The following SPEF2 variants were observed in gnomAD, a reference collection of about 807,000 sequenced individuals.
The protein encoded by SPEF2 is sperm flagella and cilia-associated protein 2.
Under a neutral mutation model 224.6 loss-of-function variants are expected in SPEF2, and 187 were observed. That is an observed-to-expected ratio of 0.83 (90% CI 0.74 to 0.94). SPEF2 has a LOEUF of 0.94. Among genes scored for constraint, SPEF2 ranks in the 40% least tolerant of loss-of-function variants. The pLI, the probability that SPEF2 is intolerant of heterozygous loss-of-function variation, is 0.00. For missense variants in SPEF2, 2,170 were observed against 2,135.6 expected (o/e 1.02, Z -0.32); for synonymous variants, 715 against 707.3 (o/e 1.01, Z -0.17).
At chr5:35,732,183 C>T (rs2149669344) in intron 21 of SPEF2, among the ~76,000 whole-genome samples, 1 of 152,188 alleles carries the variant, frequency 6.6e-6, no homozygotes, top group South Asian at 2.1e-4. Flanking sequence ...TCAGGGAGTA[C>T]CATAGATGTA....
At position 35,752,185 on chromosome 5, in the gene SPEF2, T is replaced by C. The variant is rs148292757; in HGVS notation, c.3331-1439T>C. On this transcript the variant is annotated intron_variant, in intron 23 of 36. Coordinates refer to ENST00000356031, the MANE Select transcript of SPEF2 (RefSeq NM_024867.4). ...GCTCACCTCCTGCTGTGTGGCCCAG[T>C]TCCTAACAAGCCATGGATGGGTACC... is the stretch of plus-strand genomic sequence containing the variant. 9.0e-3 allele frequency among the ~76,000 whole-genome samples: 1,368 copies of C among 152,176 alleles called. 25 individuals carry two copies. Among genetic ancestry groups the C allele is most frequent in the African/African-American group, 0.032 (1,312 of 41,506 alleles).
chr5:35,746,135 T>G (rs1015141497), intron 23 of SPEF2, among the ~76,000 whole-genome samples: 1 of 152,150 alleles, frequency 6.6e-6, no homozygotes, highest in Non-Finnish European at 1.5e-5. Flanking sequence ...GAGTATTACA[T>G]CAAGGGAACA....
At position 35,646,707 on chromosome 5, in the gene SPEF2, A is replaced by G. The variant is rs892853964; in HGVS notation, c.626A>G (p.Lys209Arg). ...NRRRQNEIMA[K>R]IQAAIIQIPK... ...AGACGACAAAATGAAATAATGGCCA[A>G]AATCCAAGCAGCTATTATACAGATT... is the stretch of plus-strand genomic sequence containing the variant. The change falls in exon 5 of 37, where the codon AAA (lysine) becomes AGA (arginine). Residue 209 changes from lysine (K) to arginine (R), a missense_variant. Physicochemically the swap from Lys to Arg is conservative, Grantham distance 26. Coordinates refer to ENST00000356031, the MANE Select transcript of SPEF2 (RefSeq NM_024867.4). 23 of 1,613,846 alleles carry G rather than the reference A, an allele frequency of 1.4e-5. No homozygotes were observed. The highest frequency in any genetic ancestry group is 2.7e-5 in the African/African-American group (2 of 74,944).
intron 10 of SPEF2, chr5:35,670,588 T>C (rs1273736450): frequency 1.2e-5 from 12 of 989,254 alleles, no homozygotes; most frequent in Non-Finnish European, 1.4e-5. Context: ...ATTTCTTTTG[T>C]AATCAATCTA....
At chr5:35,781,674 A>G (rs1754363151) in intron 30 of SPEF2, 1 of 152,084 alleles carries the variant, frequency 6.6e-6, no homozygotes, top group African/African-American at 2.4e-5. Context: ...ATACGGTAGG[A>G]TTTGGGGATT....
intron 18 of SPEF2, among the ~76,000 whole-genome samples, chr5:35,708,604 GACT>G (rs1740352417): frequency 9.9e-5 from 1 of 10,132 alleles, no homozygotes; most frequent in Admixed American, 8.0e-4. Context: ...CCCCACCACA[GACT>G]TCACCACCTC....
intron 19 of SPEF2, among the ~76,000 whole-genome samples, chr5:35,712,384 T>C (rs1397439021): frequency 6.6e-6 from 1 of 152,164 alleles, no homozygotes; most frequent in Non-Finnish European, 1.5e-5. Context: ...TGCATGTCAC[T>C]GTACCTGGCT....
chr5:35,758,726 C>A (rs988844371), intron 24 of SPEF2, among the ~76,000 whole-genome samples: 1 of 152,130 alleles, frequency 6.6e-6, no homozygotes, highest in Non-Finnish European at 1.5e-5. Context: ...CTCTGTGTTG[C>A]TGGGCGCAGT....
At chr5:35,665,807 C>T (rs1461423381) in intron 8 of SPEF2, among the ~76,000 whole-genome samples, 1 of 152,132 alleles carries the variant, frequency 6.6e-6, no homozygotes, top group Non-Finnish European at 1.5e-5. Context: ...GAATAACAAA[C>T]TCTGATGTAA....
chr5:35,712,939 A>G (rs1472900736), intron 20 of SPEF2, 53 bp downstream of exon 20: 3 of 1,500,132 alleles, frequency 2.0e-6, no homozygotes, highest in Non-Finnish European at 2.7e-6. Flanking sequence ...TTTTATAACT[A>G]TCTCAGTGAA....
intron 1 of SPEF2, among the ~76,000 whole-genome samples, chr5:35,619,596 G>T (rs370317420): frequency 6.6e-6 from 1 of 152,054 alleles, no homozygotes; most frequent in East Asian, 1.9e-4. Flanking sequence ...AGAATCGCTT[G>T]AACCCAGGAG....
rs373228487 is a variant in SPEF2 at position 35,649,143 on chromosome 5, T to C, written c.727-218T>C. ...CCTGTCAAAATCATGAAGTGAATGA[T>C]TCAGGGGAGGCAATTTTCACATTCT... On this transcript the variant is annotated intron_variant, in intron 5 of 36. Coordinates refer to ENST00000356031, the MANE Select transcript of SPEF2 (RefSeq NM_024867.4). 7.9e-5 allele frequency among the ~76,000 whole-genome samples: 12 copies of C among 152,298 alleles called. No individual in the cohort carries two copies. The East Asian group carries it at 2.1e-3, about 27-fold the overall frequency.
At chr5:35,743,228 C>T (rs1747963250) in intron 23 of SPEF2, among the ~76,000 whole-genome samples, 2 of 151,356 alleles carry the variant, frequency 1.3e-5, no homozygotes, top group African/African-American at 4.9e-5. Flanking sequence ...GAAAATAAAG[C>T]TGAGGAAAGG....
At chr5:35,806,608 A>T in intron 34 of SPEF2, 99 bp from the exon 35 acceptor site, 1 of 1,443,964 alleles carries the variant, frequency 6.9e-7, no homozygotes, top group Non-Finnish European at 9.3e-7. Flanking sequence ...TCTGTCATTC[A>T]TGAAAAGTGT....
chr5:35,764,613 G>T (rs111673661), intron 26 of SPEF2: 6 of 456,100 alleles, frequency 1.3e-5, no homozygotes, highest in South Asian at 6.2e-5. Flanking sequence ...ATGAAATATC[G>T]CATTCAAACA....
At chr5:35,675,336 A>G (rs1291846535) in intron 10 of SPEF2, among the ~76,000 whole-genome samples, 1 of 152,204 alleles carries the variant, frequency 6.6e-6, no homozygotes, top group African/African-American at 2.4e-5. Flanking sequence ...AGGAGCTGGG[A>G]AGGAAGATTG....
chr5:35,734,453 T>G (rs1398347095), intron 21 of SPEF2, among the ~76,000 whole-genome samples: 2 of 129,748 alleles, frequency 1.5e-5, no homozygotes, highest in East Asian at 4.1e-4. Context: ...GCTAAGGAGC[T>G]GAAAAAAAGA....
At chr5:35,718,902 G>A (rs1743112219) in intron 20 of SPEF2, among the ~76,000 whole-genome samples, 1 of 152,186 alleles carries the variant, frequency 6.6e-6, no homozygotes, top group African/African-American at 2.4e-5. Flanking sequence ...GTGTCTCAGG[G>A]AGTTACATGG....
intron 10 of SPEF2, among the ~76,000 whole-genome samples, chr5:35,673,145 A>C (rs1751418320): frequency 6.6e-6 from 1 of 152,198 alleles, no homozygotes; most frequent in East Asian, 1.9e-4. Flanking sequence ...CTACCACAGC[A>C]TAACAACATT....
Sources: gnomAD v4.1 joint callset for allele counts (sites outside exome capture counted in the v4.1 genomes callset) on GRCh38, gnomAD v4.1.1 for gene constraint, MANE v1.5 for transcripts, NCBI Gene and HGNC (gene_info 2026-07-23, HGNC 2026-07-21) for gene names.